Variants in ARF1 observed in about 807,000 individuals in gnomAD.
The protein encoded by ARF1 is ADP-ribosylation factor 1.
ARF1 carries 1 observed loss-of-function variant against 18.0 expected under a neutral mutation model. The ratio of observed to expected loss-of-function variants is 0.06; its 90% confidence interval spans 0.02 to 0.26. The LOEUF is 0.26. Among genes scored for constraint, ARF1 ranks in the 10% least tolerant of loss-of-function variants. ARF1 has a pLI of 1.00. For missense variants in ARF1, 73 were observed against 247.2 expected (o/e 0.30, Z 4.73); for synonymous variants, 112 against 96.3 (o/e 1.16, Z -0.95).
At chr1:228,084,505 G>GT (rs1181239119) in intron 1 of ARF1, among the ~76,000 whole-genome samples, 1 of 152,236 alleles carries the variant, frequency 6.6e-6, no homozygotes, top group East Asian at 1.9e-4. Flanking sequence ...CAACAGCTGA[G>GT]TCACACAATG....
chr1:228,092,118 T>C (rs2032594885), intron 1 of ARF1, among the ~76,000 whole-genome samples: 2 of 152,226 alleles, frequency 1.3e-5, no homozygotes, highest in South Asian at 4.1e-4. Flanking sequence ...GTGTAATTTA[T>C]CTGTCAGTGA....
chr1:228,096,077 T>G (rs2032736476), intron 1 of ARF1, among the ~76,000 whole-genome samples: 1 of 152,190 alleles, frequency 6.6e-6, no homozygotes, highest in Non-Finnish European at 1.5e-5. Context: ...CAGGCATGTG[T>G]GGGCTCTTGC....
intron 1 of ARF1, among the ~76,000 whole-genome samples, chr1:228,083,757 T>C (rs1486322999): frequency 1.3e-5 from 2 of 152,254 alleles, no homozygotes; most frequent in African/African-American, 4.8e-5. Context: ...AGATTGGGGC[T>C]GGACAGCCGT....
chr1:228,086,409 G>C (rs761217563), intron 1 of ARF1, among the ~76,000 whole-genome samples: 1 of 151,992 alleles, frequency 6.6e-6, no homozygotes, highest in Non-Finnish European at 1.5e-5. Flanking sequence ...CCAGCTACCC[G>C]GGAGGCTGGG....
chr1:228,090,097 T>A (rs1252060317), intron 1 of ARF1, among the ~76,000 whole-genome samples: 1 of 152,184 alleles, frequency 6.6e-6, no homozygotes, highest in East Asian at 1.9e-4. Context: ...TAGCAGATGG[T>A]TGGGATGTGG....
rs1251744989 is a variant in ARF1 at position 228,089,615 on chromosome 1, C to G, written c.-38+6850C>G. ...GCATTGGCTCAATCACTGGTGCAGC[C>G]ATTGCATTAATTTTCTTTAACCTGG... On this transcript the variant is annotated intron_variant, in intron 1 of 4. Transcript: ENST00000272102. This position sits in a 1 kb window ranked among gnomAD's most constrained non-coding sequence, Gnocchi z 4.1. Among the ~76,000 whole-genome samples, 2 of 152,254 alleles carry G rather than the reference C, an allele frequency of 1.3e-5. No homozygotes were observed.
Position 228,097,564 on chromosome 1 carries a change from G to A in ARF1, c.260-27G>A, listed in dbSNP as rs1195090644. 1.2e-6 allele frequency: 2 copies of A among 1,613,986 alleles called. No individual in the cohort carries two copies. The highest frequency in any genetic ancestry group is 1.1e-5 in the South Asian group (1 of 91,072). On this transcript the variant is annotated intron_variant, in intron 3 of 4. Coordinates refer to ENST00000272102, the MANE Select transcript of ARF1 (RefSeq NM_001658.4). The surrounding 1 kb of genome is among the most constrained non-coding windows in gnomAD (Gnocchi z 8.1). ...TGCGGCAGGGGGGCTGTGTTCCCAT[G>A]ACCATTTGACACTGGCTGCCCGGCA...
intron 1 of ARF1, among the ~76,000 whole-genome samples, chr1:228,092,333 T>A (rs182794534): frequency 2.0e-5 from 3 of 152,140 alleles, no homozygotes; most frequent in Non-Finnish European, 4.4e-5. Flanking sequence ...TTGCATTCCC[T>A]GCCACTTGGG....
chr1:228,087,594 T>C (rs2124844719), intron 1 of ARF1, among the ~76,000 whole-genome samples: 1 of 152,228 alleles, frequency 6.6e-6, no homozygotes, highest in South Asian at 2.1e-4. Flanking sequence ...TGAGCTGTGA[T>C]CATAACCACT....
intron 1 of ARF1, among the ~76,000 whole-genome samples, chr1:228,086,733 T>C (rs868000225): frequency 3.3e-5 from 5 of 152,176 alleles, no homozygotes; most frequent in Non-Finnish European, 4.4e-5. Context: ...ACATCCTTTA[T>C]GAAAAACCAG....
Position 228,089,886 on chromosome 1 carries a change from T to C in ARF1, c.-38+7121T>C, listed in dbSNP as rs2124847379. On this transcript the variant is annotated intron_variant, in intron 1 of 4. Coordinates refer to ENST00000272102, the MANE Select transcript of ARF1 (RefSeq NM_001658.4). This position sits in a 1 kb window ranked among gnomAD's most constrained non-coding sequence, Gnocchi z 4.1. ...CAGCATGTCTGTGGTGAGTGTGTAG[T>C]TCAGGAAGTGAACTGGCAAAACTGA... Among the ~76,000 whole-genome samples, 1 of 152,244 alleles carries C rather than the reference T, an allele frequency of 6.6e-6. No homozygotes were observed.
chr1:228,083,590 T>C (rs1372187836), intron 1 of ARF1: 1 of 152,298 alleles, frequency 6.6e-6, no homozygotes, highest in African/African-American at 2.4e-5. Context: ...TCCTTGACGT[T>C]GTCGGCAGTA....
At chr1:228,093,803 C>T (rs1036347680) in intron 1 of ARF1, among the ~76,000 whole-genome samples, 2 of 151,900 alleles carry the variant, frequency 1.3e-5, no homozygotes, top group Non-Finnish European at 2.9e-5. Context: ...TGGCACGCGC[C>T]TGTAGTCCCA....
In ARF1 at chr1:228,098,917, C is replaced by T. The variant is rs1278814707; in HGVS notation, c.*904C>T. On this transcript the variant is annotated 3_prime_UTR_variant, in exon 5 of 5. Coordinates refer to ENST00000272102, the MANE Select transcript of ARF1 (RefSeq NM_001658.4). ...ACCTAGACCCACAGCCCCTCGGGAG[C>T]ACCCCACCTCTGTGTGTGATGTAGC... The T allele has an allele frequency of 6.6e-6, 1 of 152,662 alleles. No individual in the cohort carries two copies. Among genetic ancestry groups the T allele is most frequent in the African/African-American group, 2.4e-5 (1 of 41,462 alleles). The allele number at this position is 152,662 out of a possible 1,614,324, so 9.5% of individuals were successfully genotyped here. A position where few individuals can be genotyped will look rare whatever the true frequency, so the allele number is the denominator to read the frequency against.
At position 228,093,955 on chromosome 1, in the gene ARF1, C is replaced by CAAA. The variant is rs869199671; in HGVS notation, c.-37-3103_-37-3101dup. 2.1e-3 allele frequency among the ~76,000 whole-genome samples: 107 copies of CAAA among 50,962 alleles called. 1 individual carries two copies. The highest frequency in any genetic ancestry group is 6.0e-3 in the African/African-American group (83 of 13,878). The allele number at this position is 50,962 out of a possible 152,430, so 33.4% of individuals were successfully genotyped here. ...TGGATGACAGAGTGAGACTCTGTCT[C>CAAA]AAAAAAAAAAAAAAAAAAAAAAGCC... is the stretch of plus-strand genomic sequence containing the variant. On this transcript the variant is annotated intron_variant, in intron 1 of 4. Coordinates refer to ENST00000272102, the MANE Select transcript of ARF1 (RefSeq NM_001658.4).
chr1:228,084,966 T>C (rs1389449065), intron 1 of ARF1, among the ~76,000 whole-genome samples: 1 of 152,270 alleles, frequency 6.6e-6, no homozygotes, highest in Non-Finnish European at 1.5e-5. Context: ...AGCAAGAGGC[T>C]GCAGCCAGCC....
chr1:228,084,369 A>T, intron 1 of ARF1, among the ~76,000 whole-genome samples: 1 of 152,232 alleles, frequency 6.6e-6, no homozygotes, highest in East Asian at 1.9e-4. Context: ...AATAGCTGTC[A>T]CTTGTCTTCA....
At position 228,097,337 on chromosome 1, in the gene ARF1, C is replaced by A; in HGVS notation, c.149-5C>A. On this transcript the variant is annotated splice_region_variant and splice_polypyrimidine_tract_variant and intron_variant, in intron 2 of 4. Transcript: ENST00000272102. The surrounding 1 kb of genome is among the most constrained non-coding windows in gnomAD (Gnocchi z 8.1). ...ACAAGGCCTCACCCTGCATCCCGCA[C>A]CCAGGCTTCAACGTGGAAACCGTGG... 2 of 1,613,634 alleles carry A rather than the reference C, an allele frequency of 1.2e-6. No homozygotes were observed. Among genetic ancestry groups the A allele is most frequent in the Non-Finnish European group, 1.7e-6 (2 of 1,179,746 alleles).
intron 1 of ARF1, among the ~76,000 whole-genome samples, chr1:228,090,226 T>C (rs1332526830): frequency 1.3e-5 from 2 of 152,116 alleles, no homozygotes; most frequent in African/African-American, 4.8e-5. Context: ...TGCCCTCAAG[T>C]TGGAAGAGCC....
Sources: allele counts gnomAD v4.1 joint callset (sites outside exome capture counted in the v4.1 genomes callset), GRCh38; gene constraint gnomAD v4.1.1; non-coding constraint Gnocchi (gnomAD v3.1); transcripts MANE v1.5; gene names NCBI Gene and HGNC (gene_info 2026-07-23, HGNC 2026-07-21).